The following CMYA5 variants were observed in gnomAD, a reference collection of about 807,000 sequenced individuals.
CMYA5 encodes the protein cardiomyopathy associated 5, also known as cardiomyopathy-associated protein 5.
CMYA5 carries 246 observed loss-of-function variants against 318.9 expected under a neutral mutation model. The observed-to-expected ratio is 0.77, with a 90% CI of 0.70 to 0.86. CMYA5 has a LOEUF of 0.86. Among genes scored for constraint, CMYA5 ranks in the 40% least tolerant of loss-of-function variants. The pLI, the probability that CMYA5 is intolerant of heterozygous loss-of-function variation, is 0.00. For missense variants in CMYA5, 4,589 were observed against 4,678.2 expected (o/e 0.98, Z 0.56); for synonymous variants, 1,641 against 1,729.5 (o/e 0.95, Z 1.27).
Position 79,777,771 on chromosome 5 carries a change from A to G in CMYA5, c.11556-11200A>G, listed in dbSNP as rs142747668. 2.5e-3 allele frequency among the ~76,000 whole-genome samples: 380 copies of G among 150,190 alleles called. 3 individuals carry two copies. Among genetic ancestry groups the G allele is most frequent in the African/African-American group, 8.8e-3 (357 of 40,462 alleles). ...GCCCGGGAGACAAGAGTGACACTGC[A>G]TCTTAAAAAAAATAATAAAAATAAA... is the stretch of plus-strand genomic sequence containing the variant. On this transcript the variant is annotated intron_variant, in intron 9 of 12. Coordinates refer to ENST00000446378, the MANE Select transcript of CMYA5 (RefSeq NM_153610.5).
In CMYA5 at chr5:79,793,452, G is replaced by C. The variant is rs747705739; in HGVS notation, c.11805G>C (p.Leu3935=). 1 of 1,612,880 alleles carries C rather than the reference G, an allele frequency of 6.2e-7. No individual in the cohort carries two copies. The part of the protein sequence containing the change: ...RRRLTEIPSV[L]GEELPSCGQH... ...TCACCCACAGAATCCCGTCAGTGCT[G>C]GGTGAGGAGCTGCCTTCCTGTGGCC... is the stretch of plus-strand genomic sequence containing the variant. Residue 3935 remains leucine (L), a synonymous_variant, in exon 12 of 13, where the codon CTG becomes CTC. Coordinates refer to ENST00000446378, the MANE Select transcript of CMYA5 (RefSeq NM_153610.5).
intron 1 of CMYA5, among the ~76,000 whole-genome samples, chr5:79,714,431 C>CTTTTTCTTTTTTTTT (rs767402291): frequency 3.2e-4 from 32 of 100,694 alleles, no homozygotes; most frequent in African/African-American, 6.4e-4. Context: ...TTTTCTTTTT[C>CTTTTTCTTTTTTTTT]TTTTTTTTTT....
intron 9 of CMYA5, among the ~76,000 whole-genome samples, chr5:79,776,261 T>C (rs746233127): frequency 9.8e-5 from 15 of 152,316 alleles, no homozygotes; most frequent in Non-Finnish European, 1.8e-4. Context: ...CCATCGAGTC[T>C]CATAATATCA....
At chr5:79,711,262 C>T (rs891951618) in intron 1 of CMYA5, among the ~76,000 whole-genome samples, 7 of 152,080 alleles carry the variant, frequency 4.6e-5, no homozygotes, top group South Asian at 4.1e-4. Flanking sequence ...TCAGGTAGGT[C>T]GTCTGGGTGC....
intron 7 of CMYA5, among the ~76,000 whole-genome samples, chr5:79,759,730 C>T (rs1440722737): frequency 6.6e-6 from 1 of 152,140 alleles, no homozygotes; most frequent in East Asian, 1.9e-4. Flanking sequence ...CGTCCTAACT[C>T]AGGTGCCCAA....
In CMYA5 at chr5:79,736,335, A is replaced by G. The variant is rs1828066525; in HGVS notation, c.7570A>G (p.Asn2524Asp). 9 of 1,613,614 alleles carry G rather than the reference A, an allele frequency of 5.6e-6. No homozygotes were observed. The highest frequency in any genetic ancestry group is 1.6e-4 in the Middle Eastern group (1 of 6,062). Residue 2524 changes from asparagine to aspartate, a missense_variant, in exon 2 of 13, where the codon AAT becomes GAT. Physicochemically the swap from Asn to Asp is conservative, Grantham distance 23. Coordinates refer to ENST00000446378, the MANE Select transcript of CMYA5 (RefSeq NM_153610.5). ...PQHFYQNEDY[N>D]ERPKIIVGSE... ...GCACTTCTATCAAAATGAAGACTAC[A>G]ATGAAAGACCCAAAATCATTGTTGG...
Position 79,735,081 on chromosome 5 carries a change from A to AAAATG in CMYA5, c.6317_6321dup (p.Val2108LysfsTer21). ...TGAAGAGAAGCCATTGGAAGAATCAAAAATGGTTCAGTCAAAGGTTATTGA... is the reference window on the plus strand; with the variant it reads ...TGAAGAGAAGCCATTGGAAGAATCAAAAATGAAATGGTTCAGTCAAAGGTTATTGA... On this transcript the variant is annotated frameshift_variant, in exon 2 of 13. Coordinates refer to ENST00000446378, the MANE Select transcript of CMYA5 (RefSeq NM_153610.5). LOFTEE classifies it high-confidence loss of function. 2 of 1,613,862 alleles carry AAAATG rather than the reference A, an allele frequency of 1.2e-6. No homozygotes were observed. Among genetic ancestry groups the AAAATG allele is most frequent in the Non-Finnish European group, 1.7e-6 (2 of 1,179,800 alleles).
rs1053531167 is a variant in CMYA5, at chr5:79,762,875, A to T, written c.11408-187A>T. The T allele has an allele frequency of 1.3e-5, 8 of 612,358 alleles. No homozygotes were observed. The African/African-American group carries it at 1.5e-4, about 11-fold the overall frequency. The allele number at this position is 612,358 out of a possible 1,614,324, so 37.9% of individuals were successfully genotyped here. A position where few individuals can be genotyped will look rare whatever the true frequency, so the allele number is the denominator to read the frequency against. On this transcript the variant is annotated intron_variant, in intron 8 of 12. Transcript: ENST00000446378. ...ATGGGTGAGAACTGGGCAATGTGGA[A>T]GGCAGAGAAGGGAGAGAGACATCAC... is the stretch of plus-strand genomic sequence containing the variant.
chr5:79,716,029 G>A (rs1008144688), intron 1 of CMYA5, among the ~76,000 whole-genome samples: 2 of 152,130 alleles, frequency 1.3e-5, no homozygotes, highest in African/African-American at 4.8e-5. Context: ...ATTTCTCTTG[G>A]TCTGATTAGG....
intron 1 of CMYA5, among the ~76,000 whole-genome samples, chr5:79,716,042 CAT>C (rs781042333): frequency 5.3e-5 from 8 of 152,126 alleles, no homozygotes; most frequent in Non-Finnish European, 1.0e-4. Context: ...TGATTAGGTC[CAT>C]AGGTCAGTTT....
rs1372840746 is a variant in CMYA5 at position 79,737,549 on chromosome 5, A to T, written c.8784A>T (p.Thr2928=). 6.2e-7 allele frequency: 1 copy of T among 1,613,706 alleles called. No homozygotes were observed. The part of the protein sequence containing the change: ...EDTYAKGEDF[T]VTSKPAGLSE... ...CATATGCAAAAGGTGAAGACTTTAC[A>T]GTGACTAGTAAGCCAGCCGGACTTT... The change falls in exon 2 of 13, where the codon ACA becomes ACT. Residue 2928 remains threonine, a synonymous_variant. Coordinates refer to ENST00000446378, the MANE Select transcript of CMYA5 (RefSeq NM_153610.5).
In CMYA5 at chr5:79,738,034, C is replaced by G; in HGVS notation, c.9269C>G (p.Thr3090Ser). Residue 3090 changes from threonine (T) to serine (S), a missense_variant, in exon 2 of 13, where the codon ACT (threonine) becomes AGT (serine). Thr to Ser is a moderately conservative substitution (Grantham distance 58). Transcript: ENST00000446378. ...EKLSKEVTEETISFPVSSVES... is the reference protein window; with the variant it reads ...EKLSKEVTEESISFPVSSVES... ...CTCTCAAAGGAAGTTACAGAAGAAA[C>G]TATCTCTTTCCCAGTAAGTTCAGTG... The G allele has an allele frequency of 6.2e-7, 1 of 1,613,290 alleles. No individual in the cohort carries two copies. The highest frequency in any genetic ancestry group is 8.5e-7 in the Non-Finnish European group (1 of 1,179,692).
At position 79,730,323 on chromosome 5, in the gene CMYA5, G is replaced by C. The variant is rs761441596; in HGVS notation, c.1558G>C (p.Glu520Gln). ...ETSLPIAITP[E>Q]PEDSNLVEEE... ...TTCCCTACCCATAGCTATTACCCCT[G>C]AACCTGAAGATTCTAATTTAGTAGA... Residue 520 changes from glutamate (E) to glutamine (Q), a missense_variant, in exon 2 of 13, where the codon GAA (glutamate) becomes CAA (glutamine). Physicochemically the swap from Glu to Gln is conservative, Grantham distance 29. Around this residue, in one of 3 missense-constraint regions of CMYA5, gnomAD observed 2,132 missense variants for 2,131.3 expected, o/e 1.00. Coordinates refer to ENST00000446378, the MANE Select transcript of CMYA5 (RefSeq NM_153610.5). The C allele has an allele frequency of 1.4e-5, 23 of 1,613,450 alleles. No homozygotes were observed. The highest frequency in any genetic ancestry group is 1.9e-5 in the Non-Finnish European group (22 of 1,179,790).
In CMYA5 at chr5:79,731,402, T is replaced by C. The variant is rs201674709; in HGVS notation, c.2637T>C (p.Tyr879=). ...APPLSATPSE[Y]VVLSDEEAVE... ...CACTTTCAGCCACCCCATCTGAATA[T>C]GTTGTTCTATCAGACGAAGAGGCAG... Residue 879 remains tyrosine (Y), a synonymous_variant, in exon 2 of 13, where the codon TAT becomes TAC. Coordinates refer to ENST00000446378, the MANE Select transcript of CMYA5 (RefSeq NM_153610.5). 1.4e-5 allele frequency: 23 copies of C among 1,613,702 alleles called. No individual in the cohort carries two copies. Among genetic ancestry groups the C allele is most frequent in the South Asian group, 2.2e-5 (2 of 91,032 alleles).
chr5:79,731,228 A>G lies in CMYA5; in HGVS notation c.2463A>G (p.Gln821=), dbSNP rs1179311064. The change falls in exon 2 of 13, where the codon CAA becomes CAG. Residue 821 remains glutamine, a synonymous_variant. Transcript: ENST00000446378. ...SQKKIINEAS[Q]FKPKGISEHT... is the part of the protein sequence containing the mutation. ...AGAAAATAATCAATGAGGCATCCCA[A>G]TTCAAACCAAAAGGTATTTCTGAGC... 1 of 1,614,020 alleles carries G rather than the reference A, an allele frequency of 6.2e-7. No homozygotes were observed. Among genetic ancestry groups the G allele is most frequent in the Non-Finnish European group, 8.5e-7 (1 of 1,179,890 alleles).
chr5:79,729,034 G>C lies in CMYA5; in HGVS notation c.269G>C (p.Ser90Thr), dbSNP rs1283184378. The C allele has an allele frequency of 2.5e-6, 4 of 1,613,968 alleles. No homozygotes were observed. Among genetic ancestry groups the C allele is most frequent in the Non-Finnish European group, 2.5e-6 (3 of 1,179,882 alleles). The change falls in exon 2 of 13, where the codon AGT becomes ACT. Residue 90 changes from serine (S) to threonine (T), a missense_variant. By Grantham distance (58) the Ser-to-Thr change is moderately conservative. This residue lies in a region of CMYA5 where 2,132 missense variants were observed against 2,131.3 expected (regional missense o/e 1.00). Transcript: ENST00000446378. ...DSGITWETNS[S>T]RSSTPWASEE... ...GGGATAACCTGGGAAACCAATTCAA[G>C]TAGATCTTCTACTCCTTGGGCTTCA... is the stretch of plus-strand genomic sequence containing the variant.
Position 79,745,298 on chromosome 5 carries a change from A to T in CMYA5, c.10811A>T (p.Asp3604Val), listed in dbSNP as rs1828298415. Residue 3604 changes from aspartate (D) to valine (V), a missense_variant, in exon 4 of 13, where the codon GAT becomes GTT. Coordinates refer to ENST00000446378, the MANE Select transcript of CMYA5 (RefSeq NM_153610.5). ...ATGAAGAAGGTTTTAGCACAGTATG[A>T]TGAGAAAGCCCAGAGCTTTGAGGAA... is the stretch of plus-strand genomic sequence containing the variant. ...EMMKKVLAQY[D>V]EKAQSFEEVK... 1 of 1,613,548 alleles carries T rather than the reference A, an allele frequency of 6.2e-7. No individual in the cohort carries two copies. Among genetic ancestry groups the T allele is most frequent in the Admixed American group, 1.7e-5 (1 of 59,948 alleles).
chr5:79,728,453 A>T (rs1391442405), intron 1 of CMYA5, among the ~76,000 whole-genome samples: 1 of 152,004 alleles, frequency 6.6e-6, no homozygotes, highest in African/African-American at 2.4e-5. Flanking sequence ...AAAATGAGGT[A>T]CCTGTGATAC....
In CMYA5 at chr5:79,737,491, C is replaced by A; in HGVS notation, c.8726C>A (p.Ser2909Tyr). 1 of 1,613,556 alleles carries A rather than the reference C, an allele frequency of 6.2e-7. No homozygotes were observed. Reference sequence around the variant, plus strand: ...GCAAGCAATGCTGATAAAATGGTTTCTAATAAAGAAATGCCCAAGGAACCT... The same window carrying A: ...GCAAGCAATGCTGATAAAATGGTTTATAATAAAGAAATGCCCAAGGAACCT... ...TSASNADKMV[S>Y]NKEMPKEPED... is the part of the protein sequence containing the mutation. Residue 2909 changes from serine to tyrosine, a missense_variant, in exon 2 of 13, where the codon TCT becomes TAT. This residue lies in a region of CMYA5 where 2,431 missense variants were observed against 2,495.1 expected (regional missense o/e 0.97). Transcript: ENST00000446378.
Sources: allele counts gnomAD v4.1 joint callset (sites outside exome capture counted in the v4.1 genomes callset), GRCh38; gene constraint gnomAD v4.1.1; regional missense constraint gnomAD v4.1.1; transcripts MANE v1.5; gene names NCBI Gene and HGNC (gene_info 2026-07-23, HGNC 2026-07-21).